The following BNIP5 variants were observed in gnomAD, a reference collection of about 807,000 sequenced individuals.
The protein encoded by BNIP5 is protein BNIP5.
BNIP5 carries 61 observed loss-of-function variants against 67.3 expected under a neutral mutation model. The ratio of observed to expected loss-of-function variants is 0.91; its 90% CI spans 0.74 to 1.12. The LOEUF (loss-of-function observed/expected upper bound fraction) is 1.12. Ranked by LOEUF, BNIP5 falls within the 50% of genes most tolerant of loss-of-function variation. The probability of loss-of-function intolerance (pLI) is 0.00; values close to 1 mark genes in which losing one functional copy is unlikely to be tolerated. For missense variants in BNIP5, 826 were observed against 816.3 expected (o/e 1.01, Z -0.14); for synonymous variants, 317 against 319.0 (o/e 0.99, Z 0.07).
intron 2 of BNIP5, 80 bp downstream of exon 2, chr6:36,330,001 C>CTG (rs1771850969): frequency 6.8e-7 from 1 of 1,471,702 alleles, no homozygotes; most frequent in African/African-American, 1.4e-5. Flanking sequence ...CCGACTATCC[C>CTG]TGTCCCTCTG....
intron 5 of BNIP5, among the ~76,000 whole-genome samples, chr6:36,325,882 G>A (rs909466639): frequency 2.0e-5 from 3 of 152,208 alleles, no homozygotes; most frequent in African/African-American, 7.2e-5. Flanking sequence ...GAAATGACTT[G>A]TCTGATCCTT....
At chr6:36,326,378 C>T (rs764552822) in intron 5 of BNIP5, 132 bp downstream of exon 5, 5 of 1,120,052 alleles carry the variant, frequency 4.5e-6, no homozygotes, top group Non-Finnish European at 6.2e-6. Context: ...CATCCTCACA[C>T]CACTCAGGGC....
chr6:36,317,504 T>G lies in BNIP5; in HGVS notation c.1924-113A>C, dbSNP rs900407649. 3.7e-5 allele frequency: 33 copies of G among 901,020 alleles called. No individual in the cohort carries two copies. In the African/African-American group the frequency reaches 5.2e-4, roughly 14 times the overall value. The allele number at this position is 901,020 out of a possible 1,614,324, so 55.8% of individuals were successfully genotyped here. On this transcript the variant is annotated intron_variant, in intron 11 of 11. Transcript: ENST00000437635. The stretch of plus-strand genomic sequence containing the variant: ...TTGACACCCCACCCCAGCCTCCATC[T>G]CTGGGTCTTTGTTCTTGCAACACCT...
At chr6:36,326,407 C>A in intron 5 of BNIP5, 103 bp downstream of exon 5, 1 of 1,436,738 alleles carries the variant, frequency 7.0e-7, no homozygotes, top group Non-Finnish European at 9.4e-7. Flanking sequence ...AAAGTCAGAC[C>A]AGGCACAACG....
chr6:36,332,701 CA>C (rs372834920), intron 1 of BNIP5, among the ~76,000 whole-genome samples: 3,675 of 147,536 alleles, frequency 0.025, 153 homozygotes, highest in African/African-American at 0.082. Context: ...TGAAAAATGA[CA>C]AAAAAAAAAC....
rs537648925 is a variant in BNIP5 at position 36,315,887 on chromosome 6, A to T, written c.*1469T>A. Reference sequence around the variant, plus strand: ...CATCATTCCAAATAAGAAACTATGTACAAAAGGTTCCTGACCTTCATTTCA... The same window carrying T: ...CATCATTCCAAATAAGAAACTATGTTCAAAAGGTTCCTGACCTTCATTTCA... On this transcript the variant is annotated 3_prime_UTR_variant, in exon 12 of 12. Transcript: ENST00000437635. 2 of 152,816 alleles carry T rather than the reference A, an allele frequency of 1.3e-5. No individual in the cohort carries two copies. The highest frequency in any genetic ancestry group is 6.5e-5 in the Admixed American group (1 of 15,314). 9.5% of individuals were successfully genotyped at this position (152,816 alleles called of 1,614,324 possible). A position where few individuals can be genotyped will look rare whatever the true frequency, so the allele number is the denominator to read the frequency against.
rs743852 is a variant in BNIP5, at chr6:36,319,535, G to T, written c.1744C>A (p.Leu582Met). The part of the protein sequence containing the change: ...DSSLSKLVAT[L>M]RSQVAHSSKL... ...GAGGAGTGAGCCACCTGGCTGCGCA[G>T]GGTGGCTACCAGCTTGCTGAGGGAG... The change falls in exon 11 of 12, where the codon CTG becomes ATG. Residue 582 changes from leucine to methionine, a missense_variant. Transcript: ENST00000437635. The T allele has an allele frequency of 6.2e-6, 10 of 1,613,804 alleles. No individual in the cohort carries two copies. The highest frequency in any genetic ancestry group is 8.5e-6 in the Non-Finnish European group (10 of 1,179,910).
chr6:36,323,609 C>G (rs1413160161), intron 7 of BNIP5, 76 bp from the exon 8 acceptor site: 7 of 1,547,228 alleles, frequency 4.5e-6, no homozygotes, highest in Non-Finnish European at 6.2e-6. Context: ...GGAAAGAGAG[C>G]CACGGTGGGC....
Position 36,319,525 on chromosome 6 carries a change from T to A in BNIP5, c.1754A>T (p.Gln585Leu). ...GTCCAGCTTAGAGGAGTGAGCCACCTGGCTGCGCAGGGTGGCTACCAGCTT... is the reference window on the plus strand; with the variant it reads ...GTCCAGCTTAGAGGAGTGAGCCACCAGGCTGCGCAGGGTGGCTACCAGCTT... ...LSKLVATLRS[Q>L]VAHSSKLDRN... is the part of the protein sequence containing the mutation. The change falls in exon 11 of 12, where the codon CAG becomes CTG. Residue 585 changes from glutamine (Q) to leucine (L), a missense_variant. Transcript: ENST00000437635. The A allele has an allele frequency of 6.2e-7, 1 of 1,614,098 alleles. No homozygotes were observed. Among genetic ancestry groups the A allele is most frequent in the South Asian group, 1.1e-5 (1 of 91,082 alleles).
At chr6:36,325,712 T>G (rs769492551) in intron 5 of BNIP5, among the ~76,000 whole-genome samples, 1 of 152,164 alleles carries the variant, frequency 6.6e-6, no homozygotes, top group African/African-American at 2.4e-5. Flanking sequence ...ATGGCATGAA[T>G]TAATGAATCA....
chr6:36,318,824 AG>A (rs1319137952), intron 11 of BNIP5, among the ~76,000 whole-genome samples: 2 of 152,322 alleles, frequency 1.3e-5, no homozygotes, highest in African/African-American at 4.8e-5. Context: ...AGAACAGTGA[AG>A]GTGACGGCAG....
chr6:36,325,073 C>A (rs1771730905), intron 6 of BNIP5, among the ~76,000 whole-genome samples: 1 of 152,258 alleles, frequency 6.6e-6, no homozygotes, highest in East Asian at 1.9e-4. Flanking sequence ...TCAGGGTAAG[C>A]ACCAACACTA....
Position 36,330,355 on chromosome 6 carries a change from A to C in BNIP5, c.336T>G (p.Pro112=). ...TGCTGGCCTTTTCTCTGGGCTCCTC[A>C]GGGCCCGTCCTCACGAAGAAGTTCA... The part of the protein sequence containing the change: ...TMLNFFVRTG[P]EEPREKASRR... The change falls in exon 2 of 12, where the codon CCT becomes CCG. Residue 112 remains proline (P), a synonymous_variant. Coordinates refer to ENST00000437635, the MANE Select transcript of BNIP5 (RefSeq NM_001010903.5). 6.2e-7 allele frequency: 1 copy of C among 1,613,900 alleles called. No homozygotes were observed.
At chr6:36,322,497 G>A in intron 8 of BNIP5, 55 bp from the exon 9 acceptor site, 1 of 1,566,880 alleles carries the variant, frequency 6.4e-7, no homozygotes, top group South Asian at 1.2e-5. Flanking sequence ...TCTAGTTCCT[G>A]ACAAGAAGCT....
At position 36,330,679 on chromosome 6, in the gene BNIP5, T is replaced by C. The variant is rs901736995; in HGVS notation, c.12A>G (p.Pro4=). Residue 4 remains proline, a synonymous_variant, in exon 2 of 12, where the codon CCA becomes CCG. Coordinates refer to ENST00000437635, the MANE Select transcript of BNIP5 (RefSeq NM_001010903.5). Reference sequence around the variant, plus strand: ...CCGCCAGGGGCCTCCTTGGGCACCTTGGATTCTCCATCGGGCTGCAACCAA... The same window carrying C: ...CCGCCAGGGGCCTCCTTGGGCACCTCGGATTCTCCATCGGGCTGCAACCAA... MEN[P]RCPRRPLAEK... 1 of 1,575,540 alleles carries C rather than the reference T, an allele frequency of 6.3e-7. No homozygotes were observed. The highest frequency in any genetic ancestry group is 1.4e-5 in the African/African-American group (1 of 73,620).
chr6:36,332,717 C>T (rs1014067881), intron 1 of BNIP5, among the ~76,000 whole-genome samples: 1 of 152,076 alleles, frequency 6.6e-6, no homozygotes, highest in Non-Finnish European at 1.5e-5. Flanking sequence ...AAAAACCTTT[C>T]CCACCTGGGC....
At position 36,330,398 on chromosome 6, in the gene BNIP5, C is replaced by T. The variant is rs780301988; in HGVS notation, c.293G>A (p.Gly98Glu). 1 of 1,614,158 alleles carries T rather than the reference C, an allele frequency of 6.2e-7. No individual in the cohort carries two copies. The highest frequency in any genetic ancestry group is 1.1e-5 in the South Asian group (1 of 91,078). The change falls in exon 2 of 12, where the codon GGG becomes GAG. Residue 98 changes from glycine (G) to glutamate (E), a missense_variant. Transcript: ENST00000437635. ...EQRPSQDTKK[G>E]WLKTMLNFFV... ...GAAGTTCAGCATGGTCTTCAGCCACCCCTTCTTGGTGTCTTGCGAAGGCCT... is the reference window on the plus strand; with the variant it reads ...GAAGTTCAGCATGGTCTTCAGCCACTCCTTCTTGGTGTCTTGCGAAGGCCT...
chr6:36,322,463 T>C (rs1009478765), intron 8 of BNIP5, 21 bp from the exon 9 acceptor site: 2 of 1,607,078 alleles, frequency 1.2e-6, no homozygotes, highest in Non-Finnish European at 8.5e-7. Context: ...AAAAGAGTTG[T>C]TGAGTGTTTT....
At chr6:36,330,829 T>C in intron 1 of BNIP5, 135 bp from the exon 2 acceptor site, 1 of 1,188,856 alleles carries the variant, frequency 8.4e-7, no homozygotes, top group Non-Finnish European at 1.1e-6. Context: ...AGTGGCGCTA[T>C]CTCAGCTCAC....
Sources: allele counts gnomAD v4.1 joint callset (sites outside exome capture counted in the v4.1 genomes callset), GRCh38; gene constraint gnomAD v4.1.1; transcripts MANE v1.5; gene names NCBI Gene and HGNC (gene_info 2026-07-23, HGNC 2026-07-21).